The following STRADA variants were observed in gnomAD, a reference collection of about 807,000 sequenced individuals.
The protein encoded by STRADA is STE20 related adaptor alpha, also known as STE20-related kinase adapter protein alpha.
STRADA carries 26 observed loss-of-function variants against 55.0 expected under a neutral mutation model. The ratio of observed to expected loss-of-function variants is 0.47; its 90% CI spans 0.35 to 0.66. The LOEUF (loss-of-function observed/expected upper bound fraction) is 0.66. Among genes scored for constraint, STRADA ranks in the 30% least tolerant of loss-of-function variants. The probability of loss-of-function intolerance (pLI) is 0.01; values close to 1 mark genes in which losing one functional copy is unlikely to be tolerated. For synonymous variants in STRADA, 197 were observed against 210.9 expected (o/e 0.93, Z 0.57); for missense variants, 443 against 549.7 (o/e 0.81, Z 1.94).
chr17:63,710,030 CTCTT>C (rs1267756316), intron 8 of STRADA, among the ~76,000 whole-genome samples: 1 of 148,716 alleles, frequency 6.7e-6, no homozygotes, highest in African/African-American at 2.5e-5. Context: ...AGATCCTTCT[CTCTT>C]TTTTTTTTTT....
At chr17:63,710,959 G>A in intron 6 of STRADA, 123 bp from the exon 7 acceptor site, 2 of 859,834 alleles carry the variant, frequency 2.3e-6, no homozygotes, top group Admixed American at 2.3e-5. Flanking sequence ...AGAGTCATGG[G>A]AACAGCCTAA....
intron 6 of STRADA, among the ~76,000 whole-genome samples, chr17:63,711,196 A>G (rs541191076): frequency 6.6e-6 from 1 of 152,270 alleles, no homozygotes; most frequent in African/African-American, 2.4e-5. Context: ...AAAACAAAAA[A>G]TATTTTGTTG....
chr17:63,708,177 G>A (rs565484103), intron 8 of STRADA, among the ~76,000 whole-genome samples: 48 of 151,128 alleles, frequency 3.2e-4, no homozygotes, highest in Admixed American at 2.4e-3. Flanking sequence ...CACCGTGACC[G>A]GCCTATAACC....
intron 1 of STRADA, among the ~76,000 whole-genome samples, chr17:63,734,833 A>G (rs892239281): frequency 1.3e-5 from 2 of 152,174 alleles, no homozygotes; most frequent in African/African-American, 4.8e-5. Context: ...TTAGAAAAAT[A>G]GAAGCTATTA....
Position 63,736,621 on chromosome 17 carries a change from C to G in STRADA, c.-45+5120G>C, listed in dbSNP as rs554251341. Among the ~76,000 whole-genome samples the G allele has an allele frequency of 4.7e-5, 7 of 150,294 alleles. No homozygotes were observed. The East Asian group carries it at 1.4e-3, about 30-fold the overall frequency. On this transcript the variant is annotated intron_variant, in intron 1 of 12. Transcript: ENST00000336174. ...CCAGCCTGGGTGACAGAGTGAGGCT[C>G]TGCCCCAAGAAAAAAAAAATAATAA...
intron 1 of STRADA, among the ~76,000 whole-genome samples, chr17:63,738,625 A>C (rs1341199752): frequency 6.6e-6 from 1 of 152,208 alleles, no homozygotes; most frequent in Non-Finnish European, 1.5e-5. Flanking sequence ...TGGGAGGCCA[A>C]GGCAGGCAGA....
At chr17:63,707,824 G>A (rs1188036571) in intron 8 of STRADA, among the ~76,000 whole-genome samples, 5 of 150,902 alleles carry the variant, frequency 3.3e-5, no homozygotes, top group East Asian at 2.0e-4. Context: ...TCCGCCTCCC[G>A]GGTTCACACC....
At chr17:63,705,342 C>A in intron 10 of STRADA, 1 of 191,430 alleles carries the variant, frequency 5.2e-6, no homozygotes. Flanking sequence ...GACAGTGCAG[C>A]CACAGAAGCC....
At chr17:63,716,722 C>A (rs941037064) in intron 4 of STRADA, among the ~76,000 whole-genome samples, 1 of 152,118 alleles carries the variant, frequency 6.6e-6, no homozygotes, top group African/African-American at 2.4e-5. Context: ...ACAAGGTGTA[C>A]GTCCATATTA....
rs756995943 is a variant in STRADA at position 63,710,794 on chromosome 17, C to T, written c.391G>A (p.Val131Met). ...GCAATAAAAGTGGCTCGATATGGCA[C>T]GATATTGGGATGGTTGAAGAGTTTG... ...VSKLFNHPNI[V>M]PYRATFIADN... The change falls in exon 7 of 13, where the codon GTG becomes ATG. Residue 131 changes from valine (V) to methionine (M), a missense_variant. Val to Met is a conservative substitution (Grantham distance 21, BLOSUM62 1). Coordinates refer to ENST00000336174, the MANE Select transcript of STRADA (RefSeq NM_001003787.4). 16 of 1,613,978 alleles carry T rather than the reference C, an allele frequency of 9.9e-6. No homozygotes were observed. Among genetic ancestry groups the T allele is most frequent in the East Asian group, 4.5e-5 (2 of 44,892 alleles).
chr17:63,734,488 A>G (rs2038279503), intron 1 of STRADA, among the ~76,000 whole-genome samples: 1 of 152,164 alleles, frequency 6.6e-6, no homozygotes, highest in Non-Finnish European at 1.5e-5. Flanking sequence ...TATAAAAAAT[A>G]CAAAAATTAG....
At chr17:63,722,929 T>C (rs1252770777) in intron 4 of STRADA, among the ~76,000 whole-genome samples, 1 of 152,196 alleles carries the variant, frequency 6.6e-6, no homozygotes, top group Non-Finnish European at 1.5e-5. Flanking sequence ...CTAAAATCTA[T>C]TATTAATAAA....
chr17:63,716,095 G>GA lies in STRADA; in HGVS notation c.124-1988_124-1987insT, dbSNP rs2036857387. 3.0e-5 allele frequency among the ~76,000 whole-genome samples: 4 copies of GA among 134,928 alleles called. No individual in the cohort carries two copies. In the South Asian group the frequency reaches 7.1e-4, roughly 24 times the overall value. 88.5% of individuals were successfully genotyped at this position (134,928 alleles called of 152,430 possible). ...TACACTCCCACCAGCAACGTACGTG[G>GA]TTTTTTTTTTTTTTTTTTTTAGACG... On this transcript the variant is annotated intron_variant, in intron 4 of 12. Coordinates refer to ENST00000336174, the MANE Select transcript of STRADA (RefSeq NM_001003787.4).
intron 4 of STRADA, among the ~76,000 whole-genome samples, chr17:63,717,934 AATT>A (rs1240233773): frequency 2.7e-5 from 4 of 150,756 alleles, no homozygotes; most frequent in Admixed American, 6.6e-5. Context: ...AATTTTTAAA[AATT>A]ATTATTATTA....
chr17:63,710,639 C>A, intron 7 of STRADA, 25 bp from the exon 8 acceptor site: 1 of 1,614,010 alleles, frequency 6.2e-7, no homozygotes, highest in Non-Finnish European at 8.5e-7. Context: ...TGCATGGAGG[C>A]AGTGAAAGGT....
At chr17:63,710,948 C>T (rs2036459272) in intron 6 of STRADA, 112 bp from the exon 7 acceptor site, 2 of 967,490 alleles carry the variant, frequency 2.1e-6, no homozygotes, top group Admixed American at 4.3e-5. Context: ...TGGGTGTTCT[C>T]AGAGTCATGG....
intron 4 of STRADA, among the ~76,000 whole-genome samples, chr17:63,717,893 G>A (rs531758662): frequency 4.9e-4 from 75 of 151,994 alleles, no homozygotes; most frequent in African/African-American, 1.4e-3. Flanking sequence ...GATTATAGGC[G>A]TGAGCCACCA....
At chr17:63,733,827 G>A (rs2038235412) in intron 1 of STRADA, among the ~76,000 whole-genome samples, 2 of 152,186 alleles carry the variant, frequency 1.3e-5, no homozygotes, top group Non-Finnish European at 2.9e-5. Flanking sequence ...TTTCTAATGA[G>A]CTTTCCTGGT....
intron 10 of STRADA, chr17:63,705,864 G>T (rs2036053651): frequency 6.6e-6 from 1 of 152,332 alleles, no homozygotes; most frequent in Non-Finnish European, 1.5e-5. Flanking sequence ...TCCAACTCAA[G>T]GCTGCCTCCT....
Sources: allele counts gnomAD v4.1 joint callset (sites outside exome capture counted in the v4.1 genomes callset), GRCh38; gene constraint gnomAD v4.1.1; transcripts MANE v1.5; gene names NCBI Gene and HGNC (gene_info 2026-07-23, HGNC 2026-07-21).